Variants in SMYD3 observed in about 807,000 individuals in gnomAD.
SMYD3 encodes the protein SET and MYND domain containing 3, also known as histone-lysine N-methyltransferase SMYD3.
Under a neutral mutation model 57.7 loss-of-function variants are expected in SMYD3, and 36 were observed. The ratio of observed to expected loss-of-function variants is 0.62; its 90% CI spans 0.48 to 0.82. SMYD3 has a LOEUF of 0.82. Among genes scored for constraint, SMYD3 ranks in the 40% least tolerant of loss-of-function variants. The pLI is 0.00. For synonymous variants in SMYD3, 211 were observed against 195.0 expected (o/e 1.08, Z -0.68); for missense variants, 515 against 538.8 (o/e 0.96, Z 0.44).
In SMYD3 at chr1:246,507,238, T is replaced by G. The variant is rs1278401104; in HGVS notation, c.-21A>C. On this transcript the variant is annotated 5_prime_UTR_variant, in exon 1 of 12. Transcript: ENST00000490107. Reference sequence around the variant, plus strand: ...TCCATCCTCCCGCAGCTCCGGCACCTCAGACGGCTACCCGCGTCCAGCAGC... The same window carrying G: ...TCCATCCTCCCGCAGCTCCGGCACCGCAGACGGCTACCCGCGTCCAGCAGC... The G allele has an allele frequency of 1.3e-6, 2 of 1,493,956 alleles. No individual in the cohort carries two copies. The allele number at this position is 1,493,956 out of a possible 1,614,324, so 92.5% of individuals were successfully genotyped here.
chr1:246,041,101 C>T (rs1309129821), intron 5 of SMYD3, among the ~76,000 whole-genome samples: 1 of 152,182 alleles, frequency 6.6e-6, no homozygotes, highest in African/African-American at 2.4e-5. Flanking sequence ...ATTGCCTCAG[C>T]ATTCAGTACA....
At chr1:245,972,365 C>T (rs138027188) in intron 5 of SMYD3, among the ~76,000 whole-genome samples, 1 of 152,296 alleles carries the variant, frequency 6.6e-6, no homozygotes, top group East Asian at 1.9e-4. Flanking sequence ...TCAATGGTAT[C>T]ACGGTGGTGA....
chr1:245,811,624 C>T (rs905889460), intron 10 of SMYD3, among the ~76,000 whole-genome samples: 1 of 152,156 alleles, frequency 6.6e-6, no homozygotes, highest in Admixed American at 6.5e-5. Context: ...TCCATTTCCA[C>T]CCTCTCTCTA....
At chr1:246,491,677 G>A (rs2068274477) in intron 1 of SMYD3, among the ~76,000 whole-genome samples, 2 of 152,148 alleles carry the variant, frequency 1.3e-5, no homozygotes, top group African/African-American at 2.4e-5. Flanking sequence ...AATCAACTAA[G>A]ACACAGCTCT....
In SMYD3 at chr1:245,905,752, C is replaced by T. The variant is rs567983897; in HGVS notation, c.813+9778G>A. On this transcript the variant is annotated intron_variant, in intron 8 of 11. Coordinates refer to ENST00000490107, the MANE Select transcript of SMYD3 (RefSeq NM_001167740.2). ...CAGCCAGGGAGTGGTTACAGCAGGT[C>T]TTGGGCGAGACCCAGCACTGTGCTG... Among the ~76,000 whole-genome samples the T allele has an allele frequency of 3.3e-5, 5 of 152,302 alleles. No individual in the cohort carries two copies. In the South Asian group the frequency reaches 1.0e-3, roughly 32 times the overall value.
chr1:245,785,261 T>C (rs2046988167), intron 10 of SMYD3, among the ~76,000 whole-genome samples: 1 of 152,042 alleles, frequency 6.6e-6, no homozygotes, highest in Admixed American at 6.5e-5. Context: ...TGGACATCTT[T>C]TGAAAATACC....
At chr1:246,074,320 T>TAA (rs148230107) in intron 5 of SMYD3, among the ~76,000 whole-genome samples, 20 of 144,268 alleles carry the variant, frequency 1.4e-4, no homozygotes, top group African/African-American at 4.8e-4. Context: ...GTTTTGCAAA[T>TAA]AAAAAAAAAT....
At chr1:246,134,104 C>T (rs1352220025) in intron 5 of SMYD3, among the ~76,000 whole-genome samples, 1 of 152,140 alleles carries the variant, frequency 6.6e-6, no homozygotes, top group Non-Finnish European at 1.5e-5. Flanking sequence ...TTATATATCA[C>T]ATCGCCTACA....
At chr1:245,899,996 G>GC (rs1441134124) in intron 8 of SMYD3, among the ~76,000 whole-genome samples, 4 of 152,110 alleles carry the variant, frequency 2.6e-5, no homozygotes, top group Non-Finnish European at 4.4e-5. Flanking sequence ...GCTCTTCTGG[G>GC]TCTCCAGCTT....
At chr1:246,236,461 C>T (rs1199477007) in intron 5 of SMYD3, among the ~76,000 whole-genome samples, 3 of 152,108 alleles carry the variant, frequency 2.0e-5, no homozygotes, top group African/African-American at 7.2e-5. Flanking sequence ...GTCGCCCAGG[C>T]TGGAGTGCAG....
chr1:245,915,193 T>G (rs980688981), intron 8 of SMYD3, among the ~76,000 whole-genome samples: 2 of 152,212 alleles, frequency 1.3e-5, no homozygotes, highest in African/African-American at 4.8e-5. Flanking sequence ...CAATAACTTG[T>G]CAATCATAAC....
rs57740230 is a variant in SMYD3 at position 246,282,305 on chromosome 1, C to CAAA, written c.531+44893_531+44895dup. 4.6e-3 allele frequency among the ~76,000 whole-genome samples: 310 copies of CAAA among 67,900 alleles called. 16 individuals carry two copies. Among genetic ancestry groups the CAAA allele is most frequent in the Admixed American group, 6.1e-3 (25 of 4,096 alleles). 44.5% of individuals were successfully genotyped at this position (67,900 alleles called of 152,430 possible). A position where few individuals can be genotyped will look rare whatever the true frequency, so the allele number is the denominator to read the frequency against. The stretch of plus-strand genomic sequence containing the variant: ...CAACATGGCAAGACCCTCATCTCTA[C>CAAA]AAAAAAAAAAAAAAAAAAAAAAAAA... On this transcript the variant is annotated intron_variant, in intron 5 of 11. Coordinates refer to ENST00000490107, the MANE Select transcript of SMYD3 (RefSeq NM_001167740.2).
chr1:246,492,796 T>C (rs2068291838), intron 1 of SMYD3, among the ~76,000 whole-genome samples: 2 of 152,218 alleles, frequency 1.3e-5, no homozygotes, highest in African/African-American at 4.8e-5. Context: ...TCCAGCCCTT[T>C]TCCTTCCTAG....
chr1:245,995,793 A>G (rs1007226212), intron 5 of SMYD3, among the ~76,000 whole-genome samples: 1 of 151,950 alleles, frequency 6.6e-6, no homozygotes, highest in Non-Finnish European at 1.5e-5. Flanking sequence ...GACACATGCA[A>G]CTCCTGAGTC....
intron 5 of SMYD3, among the ~76,000 whole-genome samples, chr1:246,018,128 C>A (rs2148216668): frequency 6.6e-6 from 1 of 152,288 alleles, no homozygotes; most frequent in East Asian, 1.9e-4. Flanking sequence ...TCAGTGGACA[C>A]AGCCGGGAAA....
At chr1:246,221,129 C>G (rs2063247720) in intron 5 of SMYD3, among the ~76,000 whole-genome samples, 1 of 152,084 alleles carries the variant, frequency 6.6e-6, no homozygotes, top group African/African-American at 2.4e-5. Context: ...AACGGAACAA[C>G]TAGCCAAACA....
intron 7 of SMYD3, among the ~76,000 whole-genome samples, chr1:245,927,401 C>T (rs1425500267): frequency 2.6e-5 from 4 of 152,222 alleles, no homozygotes; most frequent in Non-Finnish European, 5.9e-5. Flanking sequence ...AATGATCACC[C>T]AGAGATGCTG....
chr1:245,836,868 G>A (rs913278353), intron 10 of SMYD3, among the ~76,000 whole-genome samples: 1 of 152,206 alleles, frequency 6.6e-6, no homozygotes, highest in African/African-American at 2.4e-5. Context: ...CAACCTTTAA[G>A]TGGATAACTT....
At chr1:246,388,006 A>G (rs2066513952) in intron 1 of SMYD3, among the ~76,000 whole-genome samples, 7 of 46,578 alleles carry the variant, frequency 1.5e-4, no homozygotes, top group Admixed American at 4.5e-4. Flanking sequence ...GTCAGTTTCT[A>G]GGGGACCTCC....
Sources: gnomAD v4.1 joint callset for allele counts (sites outside exome capture counted in the v4.1 genomes callset) on GRCh38, gnomAD v4.1.1 for gene constraint, MANE v1.5 for transcripts, NCBI Gene and HGNC (gene_info 2026-07-23, HGNC 2026-07-21) for gene names.